RSAD1: variants seen among roughly 807,000 people sequenced by gnomAD.
RSAD1 encodes the protein radical S-adenosyl methionine domain containing 1.
Under a neutral mutation model 46.2 loss-of-function variants are expected in RSAD1, and 34 were observed. The ratio of observed to expected loss-of-function variants is 0.74; its 90% CI spans 0.56 to 0.98. RSAD1 has a LOEUF of 0.98. RSAD1 is among the 50% of genes least tolerant of loss of function. RSAD1 has a pLI of 0.00. For missense variants in RSAD1, 635 were observed against 592.3 expected, an observed-to-expected ratio of 1.07 and a Z score of -0.75; for synonymous variants, 260 against 253.5, an observed-to-expected ratio of 1.03 and a Z score of -0.24.
Position 50,482,718 on chromosome 17 carries a change from G to A in RSAD1, c.904+12G>A. On this transcript the variant is annotated intron_variant, in intron 5 of 8. Coordinates refer to ENST00000258955, the MANE Select transcript of RSAD1 (RefSeq NM_018346.3). Reference sequence around the variant, plus strand: ...TGGCGTTGGGCCTGGTGAGTCCCGTGAACTACAGAAAGGGTGACTCAGGAG... The same window carrying A: ...TGGCGTTGGGCCTGGTGAGTCCCGTAAACTACAGAAAGGGTGACTCAGGAG... 1 of 1,612,660 alleles carries A rather than the reference G, an allele frequency of 6.2e-7. No homozygotes were observed. Among genetic ancestry groups the A allele is most frequent in the Non-Finnish European group, 8.5e-7 (1 of 1,179,038 alleles).
Position 50,479,033 on chromosome 17 carries a change from G to A in RSAD1, c.135+14G>A. The stretch of plus-strand genomic sequence containing the variant: ...CTTTACGTACACGTGAGTAGGGGCG[G>A]GGGCGGAGCCCACGGTGTGTGGCCG... On this transcript the variant is annotated intron_variant, in intron 1 of 8. Coordinates refer to ENST00000258955, the MANE Select transcript of RSAD1 (RefSeq NM_018346.3). 7.5e-7 allele frequency: 1 copy of A among 1,328,524 alleles called. No homozygotes were observed. 82.3% of individuals were successfully genotyped at this position (1,328,524 alleles called of 1,614,324 possible). A position where few individuals can be genotyped will look rare whatever the true frequency, so the allele number is the denominator to read the frequency against.
At chr17:50,479,548 G>T (rs2033352574) in intron 1 of RSAD1, 81 bp from the exon 2 acceptor site, 2 of 1,571,490 alleles carry the variant, frequency 1.3e-6, no homozygotes, top group Non-Finnish European at 8.7e-7. Flanking sequence ...AGGGGTGGGG[G>T]TGGGGTTGGG....
In RSAD1 at chr17:50,484,477, G is replaced by T. The variant is rs781401647; in HGVS notation, c.1143G>T (p.Trp381Cys). 1 of 1,613,782 alleles carries T rather than the reference G, an allele frequency of 6.2e-7. No homozygotes were observed. The change falls in exon 8 of 9, where the codon TGG becomes TGT. Residue 381 changes from tryptophan to cysteine, a missense_variant. Trp to Cys is a radical substitution (Grantham distance 215). Coordinates refer to ENST00000258955, the MANE Select transcript of RSAD1 (RefSeq NM_018346.3). Reference sequence around the variant, plus strand: ...AGTTTGAGCCCCAGCTGACCCTGTGGGATGTGTTTGGAGCGAACAAGGAGG... The same window carrying T: ...AGTTTGAGCCCCAGCTGACCCTGTGTGATGTGTTTGGAGCGAACAAGGAGG... ...WQQFEPQLTL[W>C]DVFGANKEVQ...
At chr17:50,483,189 A>AAAAAATT in intron 5 of RSAD1, 151 bp from the exon 6 acceptor site, 1 of 264,318 alleles carries the variant, frequency 3.8e-6, no homozygotes, top group Non-Finnish European at 5.7e-6. Flanking sequence ...AAAAAAAAAA[A>AAAAAATT]AAAGAAAGAA....
At chr17:50,483,630 C>T (rs1249612990) in intron 6 of RSAD1, 76 bp from the exon 7 acceptor site, 4 of 1,595,478 alleles carry the variant, frequency 2.5e-6, no homozygotes, top group African/African-American at 1.3e-5. Flanking sequence ...CCTCTAAATG[C>T]ATCCCAGTGT....
rs759940333 is a variant in RSAD1 at position 50,483,362 on chromosome 17, C to T, written c.927C>T (p.Pro309=). ...VGPGAHGRFM[P]QGAGGHTREA... is the part of the protein sequence containing the mutation. The stretch of plus-strand genomic sequence containing the variant: ...CAGGGGCCCATGGACGATTTATGCC[C>T]CAGGGGGCTGGAGGCCACACCCGGG... The change falls in exon 6 of 9, where the codon CCC becomes CCT. Residue 309 remains proline, a synonymous_variant. Coordinates refer to ENST00000258955, the MANE Select transcript of RSAD1 (RefSeq NM_018346.3). 1.9e-6 allele frequency: 3 copies of T among 1,613,930 alleles called. No homozygotes were observed. Among genetic ancestry groups the T allele is most frequent in the South Asian group, 2.2e-5 (2 of 91,036 alleles).
rs771271982 is a variant in RSAD1, at chr17:50,484,550, G to C, written c.1211+5G>C. On this transcript the variant is annotated splice_donor_5th_base_variant and intron_variant, in intron 8 of 8. Coordinates refer to ENST00000258955, the MANE Select transcript of RSAD1 (RefSeq NM_018346.3). Reference sequence around the variant, plus strand: ...CCTACTGCAGCTGGATCACAGGTGTGTTGGGGGGTGCCGGGCAGAGGGGGC... The same window carrying C: ...CCTACTGCAGCTGGATCACAGGTGTCTTGGGGGGTGCCGGGCAGAGGGGGC... The C allele has an allele frequency of 3.7e-6, 6 of 1,612,560 alleles. No individual in the cohort carries two copies. The highest frequency in any genetic ancestry group is 3.4e-6 in the Non-Finnish European group (4 of 1,179,670).
chr17:50,483,040 A>G (rs1230772520), intron 5 of RSAD1, among the ~76,000 whole-genome samples: 1 of 151,340 alleles, frequency 6.6e-6, no homozygotes, highest in Non-Finnish European at 1.5e-5. Context: ...AGATGATTAA[A>G]AAAAAAAGAA....
intron 1 of RSAD1, chr17:50,479,277 A>C: frequency 4.2e-6 from 2 of 476,338 alleles, no homozygotes; most frequent in South Asian, 4.5e-5. Flanking sequence ...TCCTCTTAGC[A>C]AGACAAAATT....
rs1237087868 is a variant in RSAD1, at chr17:50,480,027, C to A, written c.417C>A (p.Gly139=). ...TLEANPTSAP[G]SRLAEFGAAG... ...AGGCTAATCCTACTTCAGCTCCGGGCTCCAGACTGGCAGAGTTCGGGGCAG... is the reference window on the plus strand; with the variant it reads ...AGGCTAATCCTACTTCAGCTCCGGGATCCAGACTGGCAGAGTTCGGGGCAG... Residue 139 remains glycine (G), a synonymous_variant, in exon 3 of 9, where the codon GGC becomes GGA. Coordinates refer to ENST00000258955, the MANE Select transcript of RSAD1 (RefSeq NM_018346.3). 1 of 1,614,062 alleles carries A rather than the reference C, an allele frequency of 6.2e-7. No individual in the cohort carries two copies.
rs748353570 is a variant in RSAD1, at chr17:50,484,535, C to T, written c.1201C>T (p.Leu401=). ...GCTGCTGGAGCGGGGCCTACTGCAG[C>T]TGGATCACAGGTGTGTTGGGGGGTG... is the stretch of plus-strand genomic sequence containing the variant. ...QELLERGLLQ[L]DHRGLRCSWE... is the part of the protein sequence containing the mutation. The change falls in exon 8 of 9, where the codon CTG becomes TTG. Residue 401 remains leucine, a synonymous_variant. Coordinates refer to ENST00000258955, the MANE Select transcript of RSAD1 (RefSeq NM_018346.3). 2 of 1,613,126 alleles carry T rather than the reference C, an allele frequency of 1.2e-6. No individual in the cohort carries two copies. Among genetic ancestry groups the T allele is most frequent in the Non-Finnish European group, 1.7e-6 (2 of 1,179,930 alleles).
rs779948698 is a variant in RSAD1, at chr17:50,484,441, G to T, written c.1108-1G>T. ...CACCTCTGACCCTCTGGCTTCCCCA[G>T]CACTGGCAGCAGTTTGAGCCCCAGC... On this transcript the variant is annotated splice_acceptor_variant, in intron 7 of 8. Coordinates refer to ENST00000258955, the MANE Select transcript of RSAD1 (RefSeq NM_018346.3). LOFTEE classifies it high-confidence loss of function. The T allele has an allele frequency of 6.2e-7, 1 of 1,613,346 alleles. No individual in the cohort carries two copies. Among genetic ancestry groups the T allele is most frequent in the East Asian group, 2.2e-5 (1 of 44,884 alleles).
At position 50,484,843 on chromosome 17, in the gene RSAD1, C is replaced by T. The variant is rs766169363; in HGVS notation, c.1311C>T (p.Ser437=). 27 of 1,613,832 alleles carry T rather than the reference C, an allele frequency of 1.7e-5. No homozygotes were observed. The highest frequency in any genetic ancestry group is 2.1e-5 in the Non-Finnish European group (25 of 1,179,920). The change falls in exon 9 of 9, where the codon TCC becomes TCT. Residue 437 remains serine, a synonymous_variant. Transcript: ENST00000258955. ...LQEAWQQRTP[S]PVPGG ...AAGCCTGGCAGCAGAGAACCCCCTC[C>T]CCTGTGCCAGGAGGATGACAAAAAT...
Position 50,482,202 on chromosome 17 carries a change from T to G in RSAD1, c.586T>G (p.Leu196Val). 1 of 1,571,114 alleles carries G rather than the reference T, an allele frequency of 6.4e-7. No individual in the cohort carries two copies. The highest frequency in any genetic ancestry group is 8.7e-7 in the Non-Finnish European group (1 of 1,155,122). Reference sequence around the variant, plus strand: ...CTTTCCCGGGCGCGTGTCTGTAGACTTGATGCTGGGGCTGCCGGCACAGCA... The same window carrying G: ...CTTTCCCGGGCGCGTGTCTGTAGACGTGATGCTGGGGCTGCCGGCACAGCA... ...RLFPGRVSVDLMLGLPAQQVG... is the reference protein window; with the variant it reads ...RLFPGRVSVDVMLGLPAQQVG... Residue 196 changes from leucine to valine, a missense_variant, in exon 4 of 9, where the codon TTG (leucine) becomes GTG (valine). Coordinates refer to ENST00000258955, the MANE Select transcript of RSAD1 (RefSeq NM_018346.3).
chr17:50,482,000 C>T (rs565000487), intron 3 of RSAD1, 91 bp from the exon 4 acceptor site: 78 of 1,403,788 alleles, frequency 5.6e-5, no homozygotes, highest in Non-Finnish European at 6.8e-5. Flanking sequence ...CCACGTGCTG[C>T]GTTCTCCCTG....
Position 50,483,438 on chromosome 17 carries a change from C to G in RSAD1, c.1003C>G (p.Leu335Val). 1 of 1,613,630 alleles carries G rather than the reference C, an allele frequency of 6.2e-7. No homozygotes were observed. The highest frequency in any genetic ancestry group is 8.5e-7 in the Non-Finnish European group (1 of 1,179,840). ...EPDNWMKEVM[L>V]FGHGTRKRVP... is the part of the protein sequence containing the mutation. ...TGACAACTGGATGAAGGAGGTGATGCTGTTTGGCCATGGCACCCGGAAGCG... is the reference window on the plus strand; with the variant it reads ...TGACAACTGGATGAAGGAGGTGATGGTGTTTGGCCATGGCACCCGGAAGCG... Residue 335 changes from leucine (L) to valine (V), a missense_variant, in exon 6 of 9, where the codon CTG (leucine) becomes GTG (valine). Physicochemically the swap from Leu to Val is conservative, Grantham distance 32 (BLOSUM62 1). Transcript: ENST00000258955.
chr17:50,483,375 G>A lies in RSAD1; in HGVS notation c.940G>A (p.Gly314Ser), dbSNP rs1167209705. ...HGRFMPQGAGGHTREARIQTL... is the reference protein window; with the variant it reads ...HGRFMPQGAGSHTREARIQTL... ...ACGATTTATGCCCCAGGGGGCTGGAGGCCACACCCGGGAGGCTCGGATCCA... is the reference window on the plus strand; with the variant it reads ...ACGATTTATGCCCCAGGGGGCTGGAAGCCACACCCGGGAGGCTCGGATCCA... The change falls in exon 6 of 9, where the codon GGC becomes AGC. Residue 314 changes from glycine to serine, a missense_variant. Physicochemically the swap from Gly to Ser is moderately conservative, Grantham distance 56 (BLOSUM62 0). Transcript: ENST00000258955. The A allele has an allele frequency of 6.2e-7, 1 of 1,613,952 alleles. No homozygotes were observed. The highest frequency in any genetic ancestry group is 8.5e-7 in the Non-Finnish European group (1 of 1,179,954).
At chr17:50,484,166 CAT>C (rs763960931) in intron 7 of RSAD1, 3 of 495,530 alleles carry the variant, frequency 6.1e-6, no homozygotes, top group East Asian at 7.0e-5. Flanking sequence ...AAAGCAGAGC[CAT>C]AAAGCCCTGG....
Position 50,483,338 on chromosome 17 carries a change from A to C in RSAD1, c.905-2A>C. Reference sequence around the variant, plus strand: ...TGTGGGGATGGTTGTTGATGTTGTCAGGGGCCCATGGACGATTTATGCCCC... The same window carrying C: ...TGTGGGGATGGTTGTTGATGTTGTCCGGGGCCCATGGACGATTTATGCCCC... On this transcript the variant is annotated splice_acceptor_variant, in intron 5 of 8. Transcript: ENST00000258955. LOFTEE classifies it high-confidence loss of function. 3.1e-6 allele frequency: 5 copies of C among 1,613,560 alleles called. No individual in the cohort carries two copies. Among genetic ancestry groups the C allele is most frequent in the Non-Finnish European group, 4.2e-6 (5 of 1,179,694 alleles).
Sources: allele counts gnomAD v4.1 joint callset (sites outside exome capture counted in the v4.1 genomes callset), GRCh38; gene constraint gnomAD v4.1.1; transcripts MANE v1.5; gene names NCBI Gene and HGNC (gene_info 2026-07-23, HGNC 2026-07-21).